ZBTB17: variants seen among roughly 807,000 people sequenced by gnomAD.
ZBTB17 encodes zinc finger and BTB domain containing 17, also known as zinc finger and BTB domain-containing protein 17.
ZBTB17 carries 24 observed loss-of-function variants against 85.1 expected under a neutral mutation model. That is an observed-to-expected ratio of 0.28 (90% confidence interval 0.20 to 0.40). ZBTB17 has a LOEUF of 0.40. Among genes scored for constraint, ZBTB17 ranks in the 10% least tolerant of loss-of-function variants. The probability of loss-of-function intolerance (pLI) is 1.00; values close to 1 mark genes in which losing one functional copy is unlikely to be tolerated. For missense variants in ZBTB17, 743 were observed against 1,105.1 expected, an observed-to-expected ratio of 0.67 and a Z score of 4.65; for synonymous variants, 464 against 460.2, an observed-to-expected ratio of 1.01 and a Z score of -0.11.
intron 2 of ZBTB17, among the ~76,000 whole-genome samples, chr1:15,955,382 A>G (rs1299960864): frequency 6.6e-6 from 1 of 152,102 alleles, no homozygotes; most frequent in Non-Finnish European, 1.5e-5. Context: ...TTAAGATTGG[A>G]TTTCTCAAAC....
At chr1:15,961,842 C>T (rs1171442115) in intron 2 of ZBTB17, among the ~76,000 whole-genome samples, 2 of 152,064 alleles carry the variant, frequency 1.3e-5, no homozygotes, top group African/African-American at 4.8e-5. Flanking sequence ...CAGCTAGTGA[C>T]GACATGGGGT....
At chr1:15,946,829 G>A in intron 4 of ZBTB17, 106 bp downstream of exon 4, 1 of 1,370,224 alleles carries the variant, frequency 7.3e-7, no homozygotes, top group African/African-American at 1.4e-5. Flanking sequence ...CCACAACCGA[G>A]GCAGGGCCAG....
At chr1:15,945,687 G>A in intron 6 of ZBTB17, 28 bp downstream of exon 6, 1 of 1,605,018 alleles carries the variant, frequency 6.2e-7, no homozygotes, top group African/African-American at 1.3e-5. Context: ...GCACCAGGTA[G>A]GGCCTGGTCC....
At chr1:15,971,380 A>T (rs865848874) in intron 2 of ZBTB17, among the ~76,000 whole-genome samples, 1 of 92,254 alleles carries the variant, frequency 1.1e-5, no homozygotes, top group African/African-American at 4.8e-5. Flanking sequence ...ATATACACAC[A>T]CTATATATAT....
intron 2 of ZBTB17, among the ~76,000 whole-genome samples, chr1:15,959,606 A>G (rs1249661379): frequency 7.2e-6 from 1 of 138,824 alleles, no homozygotes; most frequent in Non-Finnish European, 1.6e-5. Flanking sequence ...GAGAGTAGAC[A>G]GAGGGAAGGA....
At chr1:15,969,938 A>G in intron 2 of ZBTB17, 1 of 703,780 alleles carries the variant, frequency 1.4e-6, no homozygotes, top group Admixed American at 2.1e-5. Flanking sequence ...CCTCCCATTG[A>G]TTGTCACATG....
At chr1:15,944,213 G>C (rs897243285) in intron 9 of ZBTB17, 87 bp downstream of exon 9, 58 of 1,506,678 alleles carry the variant, frequency 3.8e-5, no homozygotes, top group Non-Finnish European at 4.9e-5. Flanking sequence ...CCGGGGCTGT[G>C]CTCCCCGCCC....
chr1:15,942,320 G>GC lies in ZBTB17; in HGVS notation c.2128+10dup, dbSNP rs2071396224. The GC allele has an allele frequency of 1.9e-6, 3 of 1,613,936 alleles. No individual in the cohort carries two copies. The highest frequency in any genetic ancestry group is 1.7e-6 in the Non-Finnish European group (2 of 1,179,998). On this transcript the variant is annotated intron_variant, in intron 15 of 15. Coordinates refer to ENST00000375743, the MANE Select transcript of ZBTB17 (RefSeq NM_003443.3). ...CTCTGCCCACATTCACACCCGGGTG[G>GC]CCCCCCTCACCTTCTTCCTGCACTT...
chr1:15,944,666 G>T (rs1433070664), intron 8 of ZBTB17, 31 bp downstream of exon 8: 1 of 1,603,236 alleles, frequency 6.2e-7, no homozygotes, highest in South Asian at 1.1e-5. Context: ...CCTGGCAGGG[G>T]CCGGGGTAGG....
At chr1:15,968,629 T>C (rs2072528870) in intron 2 of ZBTB17, among the ~76,000 whole-genome samples, 1 of 152,018 alleles carries the variant, frequency 6.6e-6, no homozygotes, top group Non-Finnish European at 1.5e-5. Context: ...GCAGAGAGAA[T>C]CCTCAAAACA....
rs556338228 is a variant in ZBTB17 at position 15,957,519 on chromosome 1, C to T, written c.-2-9022G>A. Among the ~76,000 whole-genome samples the T allele has an allele frequency of 1.1e-3, 169 of 152,142 alleles. 1 individual carries two copies. The highest frequency in any genetic ancestry group is 2.8e-3 in the African/African-American group (118 of 41,488). ...CTCGCCCAGGGTCTCAGGGACACAG[C>T]GGACTTTGGATTTCTTCTAAGTGCA... On this transcript the variant is annotated intron_variant, in intron 2 of 15. Coordinates refer to ENST00000375743, the MANE Select transcript of ZBTB17 (RefSeq NM_003443.3).
In ZBTB17 at chr1:15,942,301, C is replaced by G. The variant is rs1342855111; in HGVS notation, c.2128+30G>C. The G allele has an allele frequency of 4.3e-6, 7 of 1,613,750 alleles. No individual in the cohort carries two copies. The African/African-American group carries it at 9.3e-5, about 22-fold the overall frequency. ...GAGTGGGAAGGACCCCGGGCTCTGCCCACATTCACACCCGGGTGGCCCCCC... is the reference window on the plus strand; with the variant it reads ...GAGTGGGAAGGACCCCGGGCTCTGCGCACATTCACACCCGGGTGGCCCCCC... On this transcript the variant is annotated intron_variant, in intron 15 of 15. Coordinates refer to ENST00000375743, the MANE Select transcript of ZBTB17 (RefSeq NM_003443.3).
intron 2 of ZBTB17, among the ~76,000 whole-genome samples, chr1:15,961,089 G>A (rs1042617923): frequency 1.3e-5 from 2 of 152,152 alleles, no homozygotes; most frequent in Admixed American, 6.5e-5. Flanking sequence ...ACTCCAGCCT[G>A]GGCAACAGAG....
intron 2 of ZBTB17, among the ~76,000 whole-genome samples, chr1:15,960,583 G>A (rs1158697284): frequency 6.6e-6 from 1 of 152,152 alleles, no homozygotes; most frequent in Non-Finnish European, 1.5e-5. Flanking sequence ...CCACTCGACA[G>A]GAATCAGAAT....
intron 3 of ZBTB17, 160 bp from the exon 4 acceptor site, chr1:15,947,283 G>A: frequency 2.8e-6 from 2 of 715,026 alleles, no homozygotes; most frequent in East Asian, 2.7e-5. Flanking sequence ...CAGGTAACCT[G>A]GGGGATCTCA....
chr1:15,943,008 C>T (rs2071427173), intron 13 of ZBTB17, 56 bp downstream of exon 13: 1 of 1,604,014 alleles, frequency 6.2e-7, no homozygotes, highest in Non-Finnish European at 8.5e-7. Flanking sequence ...TCCCCCTGCT[C>T]CCCACCTGGC....
chr1:15,944,248 G>A, intron 9 of ZBTB17, 52 bp downstream of exon 9: 2 of 1,545,376 alleles, frequency 1.3e-6, no homozygotes, highest in Non-Finnish European at 1.7e-6. Flanking sequence ...CATGCATGCG[G>A]CTGCGGCCAC....
Position 15,943,206 on chromosome 1 carries a change from C to T in ZBTB17, c.1698-12G>A. 1 of 1,614,128 alleles carries T rather than the reference C, an allele frequency of 6.2e-7. No homozygotes were observed. Among genetic ancestry groups the T allele is most frequent in the East Asian group, 2.2e-5 (1 of 44,892 alleles). On this transcript the variant is annotated splice_polypyrimidine_tract_variant and intron_variant, in intron 12 of 15. Coordinates refer to ENST00000375743, the MANE Select transcript of ZBTB17 (RefSeq NM_003443.3). The stretch of plus-strand genomic sequence containing the variant: ...TGGACTGGACGAATCTGTGGGGCCA[C>T]AGGAAGGGACTCGCATGGAACTGCC...
intron 2 of ZBTB17, among the ~76,000 whole-genome samples, chr1:15,961,247 C>CT (rs1243543800): frequency 1.3e-5 from 2 of 151,962 alleles, no homozygotes; most frequent in Admixed American, 1.3e-4. Context: ...AGTTAGCAGA[C>CT]TTTTTTCCAT....
Sources: gnomAD v4.1 joint callset for allele counts (sites outside exome capture counted in the v4.1 genomes callset) on GRCh38, gnomAD v4.1.1 for gene constraint, MANE v1.5 for transcripts, NCBI Gene and HGNC (gene_info 2026-07-23, HGNC 2026-07-21) for gene names.